PRLR: variants seen among roughly 807,000 people sequenced by gnomAD.
PRLR encodes hPRL receptor.
A neutral mutation model predicts 40.2 loss-of-function variants in PRLR; 13 were observed. That is an observed-to-expected ratio of 0.32 (90% CI 0.21 to 0.51). The LOEUF (loss-of-function observed/expected upper bound fraction) is 0.51, where lower values mean the gene tolerates loss of function less well. PRLR is among the 20% of genes least tolerant of loss of function. PRLR has a pLI of 0.97. For synonymous variants in PRLR, 269 were observed against 278.7 expected, an observed-to-expected ratio of 0.97 and a Z score of 0.35; for missense variants, 656 against 747.3, an observed-to-expected ratio of 0.88 and a Z score of 1.42.
intron 1 of PRLR, among the ~76,000 whole-genome samples, chr5:35,132,428 A>G (rs904435238): frequency 6.6e-6 from 1 of 152,168 alleles, no homozygotes; most frequent in African/African-American, 2.4e-5. Flanking sequence ...AAAATCCCAG[A>G]CATCATGTTA....
intron 1 of PRLR, among the ~76,000 whole-genome samples, chr5:35,139,173 C>T (rs1166582471): frequency 2.6e-5 from 4 of 152,132 alleles, no homozygotes; most frequent in African/African-American, 9.7e-5. Context: ...CTCACTCTGT[C>T]ATCCAGGCTG....
chr5:35,109,485 A>T lies in PRLR; in HGVS notation c.-44+8576T>A, dbSNP rs189006824. ...TCTACCCATCTGACAAAGGGCTAAT[A>T]TTCAGAATCTACAAAGAACTTACAA... On this transcript the variant is annotated intron_variant, in intron 2 of 9. Coordinates refer to ENST00000618457, the MANE Select transcript of PRLR (RefSeq NM_000949.7). Among the ~76,000 whole-genome samples, 19 of 152,356 alleles carry T rather than the reference A, an allele frequency of 1.2e-4. No individual in the cohort carries two copies. In the East Asian group the frequency reaches 2.5e-3, roughly 20 times the overall value.
chr5:35,120,341 C>T, intron 1 of PRLR, among the ~76,000 whole-genome samples: 1 of 152,162 alleles, frequency 6.6e-6, no homozygotes, highest in South Asian at 2.1e-4. Flanking sequence ...TAACCCTACC[C>T]CTGGGCATGT....
chr5:35,175,116 G>C lies in PRLR; in HGVS notation c.-106+55152C>G, dbSNP rs891363263. The stretch of plus-strand genomic sequence containing the variant: ...GGATAGATAGATAGATAGTTGATAT[G>C]GTTTGGCTCTGTGTCCCCACCCAAA... On this transcript the variant is annotated intron_variant, in intron 1 of 9. Transcript: ENST00000618457. Among the ~76,000 whole-genome samples, 5 of 152,148 alleles carry C rather than the reference G, an allele frequency of 3.3e-5. No homozygotes were observed. The East Asian group carries it at 9.7e-4, about 29-fold the overall frequency.
chr5:35,100,568 T>C (rs1311536642), intron 2 of PRLR, among the ~76,000 whole-genome samples: 1 of 152,240 alleles, frequency 6.6e-6, no homozygotes, highest in Non-Finnish European at 1.5e-5. Context: ...TTGTATACGA[T>C]TGTAACCTAG....
intron 1 of PRLR, among the ~76,000 whole-genome samples, chr5:35,155,997 C>A (rs1212553993): frequency 6.6e-6 from 1 of 151,442 alleles, no homozygotes; most frequent in African/African-American, 2.4e-5. Flanking sequence ...TTTTTTAAAC[C>A]ATATTTCAAA....
chr5:35,183,147 T>C (rs1376809158), intron 1 of PRLR, among the ~76,000 whole-genome samples: 1 of 152,160 alleles, frequency 6.6e-6, no homozygotes, highest in Admixed American at 6.5e-5. Context: ...CCCTGCCAAG[T>C]GTCCACTCAC....
intron 1 of PRLR, among the ~76,000 whole-genome samples, chr5:35,208,252 A>G (rs966326695): frequency 2.6e-5 from 4 of 151,938 alleles, no homozygotes. Flanking sequence ...ACACTGAACA[A>G]CACTTTCACA....
intron 1 of PRLR, among the ~76,000 whole-genome samples, chr5:35,124,206 G>A (rs1325405231): frequency 2.0e-5 from 3 of 152,200 alleles, no homozygotes; most frequent in Non-Finnish European, 4.4e-5. Flanking sequence ...TGGTAGAGGA[G>A]TTCTTTACCG....
chr5:35,080,644 A>G (rs1054462500), intron 5 of PRLR, among the ~76,000 whole-genome samples: 2 of 152,174 alleles, frequency 1.3e-5, no homozygotes, highest in African/African-American at 2.4e-5. Context: ...CGATTCCTCA[A>G]GGATCTAGAA....
intron 1 of PRLR, among the ~76,000 whole-genome samples, chr5:35,213,259 C>G (rs1175803897): frequency 6.6e-6 from 1 of 152,156 alleles, no homozygotes; most frequent in Non-Finnish European, 1.5e-5. Context: ...TTTATATAAT[C>G]GGTCTTAGTG....
chr5:35,199,750 TTA>T (rs1775829712), intron 1 of PRLR, among the ~76,000 whole-genome samples: 1 of 152,220 alleles, frequency 6.6e-6, no homozygotes, highest in Non-Finnish European at 1.5e-5. Flanking sequence ...AATTAATAAT[TTA>T]TATATTTCAA....
At chr5:35,153,114 T>C (rs1774386176) in intron 1 of PRLR, 2 of 152,324 alleles carry the variant, frequency 1.3e-5, no homozygotes, top group South Asian at 2.1e-4. Flanking sequence ...AAATCATGTA[T>C]ACAAAGTGCC....
At chr5:35,221,203 GA>G (rs1168963504) in intron 1 of PRLR, among the ~76,000 whole-genome samples, 5 of 152,224 alleles carry the variant, frequency 3.3e-5, no homozygotes, top group Admixed American at 6.5e-5. Context: ...GTGTGAACAG[GA>G]ACAGAGTTAA....
intron 1 of PRLR, among the ~76,000 whole-genome samples, chr5:35,139,403 C>G (rs1773949868): frequency 6.6e-6 from 1 of 152,146 alleles, no homozygotes; most frequent in South Asian, 2.1e-4. Context: ...CAGGCGTGAG[C>G]TACTGCACCA....
At chr5:35,186,349 A>C (rs1775430892) in intron 1 of PRLR, among the ~76,000 whole-genome samples, 1 of 152,190 alleles carries the variant, frequency 6.6e-6, no homozygotes, top group Non-Finnish European at 1.5e-5. Flanking sequence ...TGTAACAAGT[A>C]CACATTCCCT....
At chr5:35,180,033 T>C (rs1464147617) in intron 1 of PRLR, among the ~76,000 whole-genome samples, 1 of 152,114 alleles carries the variant, frequency 6.6e-6, no homozygotes, top group African/African-American at 2.4e-5. Context: ...GCGGTCCCAT[T>C]TGGGAGTGAC....
At chr5:35,087,829 G>T (rs1770953409) in intron 3 of PRLR, among the ~76,000 whole-genome samples, 1 of 152,144 alleles carries the variant, frequency 6.6e-6, no homozygotes, top group Non-Finnish European at 1.5e-5. Flanking sequence ...TGATACTGTG[G>T]GGCTGGGAAG....
At chr5:35,122,755 T>G (rs1469464886) in intron 1 of PRLR, among the ~76,000 whole-genome samples, 1 of 152,188 alleles carries the variant, frequency 6.6e-6, no homozygotes, top group African/African-American at 2.4e-5. Flanking sequence ...ATAAAGCACT[T>G]GGGAATCACT....
Sources: gnomAD v4.1 joint callset for allele counts (sites outside exome capture counted in the v4.1 genomes callset) on GRCh38, gnomAD v4.1.1 for gene constraint, MANE v1.5 for transcripts, NCBI Gene and HGNC (gene_info 2026-07-23, HGNC 2026-07-21) for gene names.